ARHGAP24: variants seen among roughly 807,000 people sequenced by gnomAD.
The protein encoded by ARHGAP24 is rho GTPase-activating protein 24.
Under a neutral mutation model 76.4 loss-of-function variants are expected in ARHGAP24, and 50 were observed. The ratio of observed to expected loss-of-function variants is 0.65; its 90% CI spans 0.52 to 0.83. The LOEUF is 0.83. Ranked by LOEUF, ARHGAP24 falls within the 40% of genes least tolerant of loss-of-function variation. The pLI, the probability that ARHGAP24 is intolerant of heterozygous loss-of-function variation, is 0.00. For missense variants in ARHGAP24, 930 were observed against 914.2 expected (o/e 1.02, Z -0.22); for synonymous variants, 345 against 323.3 (o/e 1.07, Z -0.72).
chr4:85,990,998 C>T (rs1356816587), intron 8 of ARHGAP24: 2 of 151,886 alleles, frequency 1.3e-5, no homozygotes, highest in Non-Finnish European at 2.9e-5. Flanking sequence ...ATTTGCAAAT[C>T]ACTATCTGAT....
At chr4:85,641,108 T>G (rs1721503989) in intron 2 of ARHGAP24, among the ~76,000 whole-genome samples, 1 of 152,116 alleles carries the variant, frequency 6.6e-6, no homozygotes, top group East Asian at 1.9e-4. Context: ...CTTCTTTTCT[T>G]TTAATAGAGA....
intron 3 of ARHGAP24, 146 bp downstream of exon 3, chr4:85,722,118 C>A: frequency 1.4e-6 from 1 of 703,152 alleles, no homozygotes; most frequent in Non-Finnish European, 2.5e-6. Context: ...ATAATGACTG[C>A]AGGTTTATAT....
At chr4:85,889,781 T>A (rs1733781925) in intron 3 of ARHGAP24, among the ~76,000 whole-genome samples, 1 of 152,156 alleles carries the variant, frequency 6.6e-6, no homozygotes, top group South Asian at 2.1e-4. Context: ...TCCTGGTACT[T>A]CTATCATTTA....
chr4:85,685,923 T>C (rs1287800155), intron 2 of ARHGAP24, among the ~76,000 whole-genome samples: 1 of 152,178 alleles, frequency 6.6e-6, no homozygotes, highest in Non-Finnish European at 1.5e-5. Flanking sequence ...ACAGGGTGGA[T>C]TGGTAGTGGA....
At chr4:85,872,289 TA>T (rs1202180140) in intron 3 of ARHGAP24, among the ~76,000 whole-genome samples, 1 of 151,980 alleles carries the variant, frequency 6.6e-6, no homozygotes, top group East Asian at 1.9e-4. Context: ...CACTGAGTTT[TA>T]AAACACTTTA....
intron 2 of ARHGAP24, among the ~76,000 whole-genome samples, chr4:85,607,831 T>G (rs2109993114): frequency 6.6e-6 from 1 of 150,768 alleles, no homozygotes; most frequent in African/African-American, 2.4e-5. Flanking sequence ...TTTAGCCCCT[T>G]GGTCTTGGGC....
intron 3 of ARHGAP24, among the ~76,000 whole-genome samples, chr4:85,742,018 A>G (rs1725844537): frequency 6.6e-6 from 1 of 152,272 alleles, no homozygotes; most frequent in African/African-American, 2.4e-5. Context: ...TATTTGCCAG[A>G]GTGGGGGAGG....
At chr4:85,478,770 C>G (rs943444555) in intron 1 of ARHGAP24, among the ~76,000 whole-genome samples, 1 of 152,190 alleles carries the variant, frequency 6.6e-6, no homozygotes, top group Non-Finnish European at 1.5e-5. Flanking sequence ...GTCTGAAAGT[C>G]CCTCTTGATT....
chr4:85,738,086 A>G (rs1446363822), intron 3 of ARHGAP24, among the ~76,000 whole-genome samples: 1 of 151,832 alleles, frequency 6.6e-6, no homozygotes, highest in Non-Finnish European at 1.5e-5. Context: ...ATGCCCAGCT[A>G]ATTTTTGTAT....
chr4:85,974,945 C>T lies in ARHGAP24; in HGVS notation c.790C>T (p.Leu264Phe). 1 of 1,613,744 alleles carries T rather than the reference C, an allele frequency of 6.2e-7. No homozygotes were observed. The highest frequency in any genetic ancestry group is 8.5e-7 in the Non-Finnish European group (1 of 1,179,826). ...TTTGCCAGTGGTAAATTACAACCTCCTCAAGTATATTTGCAGGTAAGAACT... is the reference window on the plus strand; with the variant it reads ...TTTGCCAGTGGTAAATTACAACCTCTTCAAGTATATTTGCAGGTAAGAACT... ...KSLPVVNYNL[L>F]KYICRFLDEV... The change falls in exon 7 of 10, where the codon CTC becomes TTC. Residue 264 changes from leucine (L) to phenylalanine (F), a missense_variant. Coordinates refer to ENST00000395184, the MANE Select transcript of ARHGAP24 (RefSeq NM_001025616.3).
intron 3 of ARHGAP24, among the ~76,000 whole-genome samples, chr4:85,812,327 TCTTATTA>T (rs541360470): frequency 6.6e-6 from 1 of 152,162 alleles, no homozygotes; most frequent in Non-Finnish European, 1.5e-5. Context: ...TTAAAGTAAA[TCTTATTA>T]CTTATAAGGT....
chr4:85,706,517 A>G (rs1428242469), intron 2 of ARHGAP24, among the ~76,000 whole-genome samples: 1 of 151,646 alleles, frequency 6.6e-6, no homozygotes, highest in Non-Finnish European at 1.5e-5. Context: ...GACACAAAAC[A>G]CATTTCCCTG....
intron 3 of ARHGAP24, among the ~76,000 whole-genome samples, chr4:85,857,954 T>C (rs1731680404): frequency 6.6e-6 from 1 of 152,084 alleles, no homozygotes; most frequent in Admixed American, 6.6e-5. Context: ...ATAATTCTTC[T>C]TTTACTTAAG....
At chr4:85,697,494 A>G (rs1370391617) in intron 2 of ARHGAP24, among the ~76,000 whole-genome samples, 2 of 151,466 alleles carry the variant, frequency 1.3e-5, no homozygotes, top group Non-Finnish European at 2.9e-5. Flanking sequence ...CTTAAAGTAT[A>G]ATAATAATAA....
At chr4:85,838,553 C>T (rs1214565532) in intron 3 of ARHGAP24, among the ~76,000 whole-genome samples, 1 of 152,138 alleles carries the variant, frequency 6.6e-6, no homozygotes, top group Non-Finnish European at 1.5e-5. Context: ...GAGCCGAGAT[C>T]ACGCCACTGC....
At chr4:85,832,000 G>A (rs1730017277) in intron 3 of ARHGAP24, among the ~76,000 whole-genome samples, 1 of 152,112 alleles carries the variant, frequency 6.6e-6, no homozygotes, top group African/African-American at 2.4e-5. Flanking sequence ...GAATTGTGGG[G>A]CCAATAGATT....
At chr4:85,885,273 A>G (rs1733496575) in intron 3 of ARHGAP24, among the ~76,000 whole-genome samples, 1 of 152,080 alleles carries the variant, frequency 6.6e-6, no homozygotes, top group African/African-American at 2.4e-5. Context: ...TTAGTTTTGT[A>G]ATCCACATAG....
intron 3 of ARHGAP24, among the ~76,000 whole-genome samples, chr4:85,878,552 A>G (rs1329156228): frequency 6.6e-6 from 1 of 152,192 alleles, no homozygotes; most frequent in African/African-American, 2.4e-5. Context: ...GATGAAAGTC[A>G]ATCCAAGCTC....
chr4:85,673,031 C>T (rs182167809), intron 2 of ARHGAP24, among the ~76,000 whole-genome samples: 56 of 152,268 alleles, frequency 3.7e-4, no homozygotes, highest in Middle Eastern at 6.8e-3. Flanking sequence ...GTGAGTTTGA[C>T]GTTTACAAGG....
Sources: gnomAD v4.1 joint callset for allele counts (sites outside exome capture counted in the v4.1 genomes callset) on GRCh38, gnomAD v4.1.1 for gene constraint, MANE v1.5 for transcripts, NCBI Gene and HGNC (gene_info 2026-07-23, HGNC 2026-07-21) for gene names.